MAPT: variants seen among roughly 807,000 people sequenced by gnomAD.
MAPT encodes microtubule associated protein tau, also known as microtubule-associated protein tau.
Under a neutral mutation model 67.9 loss-of-function variants are expected in MAPT, and 34 were observed. The observed-to-expected ratio is 0.50, with a 90% CI of 0.38 to 0.67. The LOEUF is 0.67. MAPT is among the 30% of genes least tolerant of loss of function. MAPT has a pLI of 0.00. For missense variants in MAPT, 881 were observed against 1,115.2 expected, an observed-to-expected ratio of 0.79 and a Z score of 2.99; for synonymous variants, 456 against 464.5, an observed-to-expected ratio of 0.98 and a Z score of 0.23.
chr17:45,923,590 G>A (rs986817530), intron 1 of MAPT, among the ~76,000 whole-genome samples: 1 of 152,232 alleles, frequency 6.6e-6, no homozygotes, highest in Non-Finnish European at 1.5e-5. Context: ...TGCACATCAT[G>A]CAGCTATTCA....
rs749726538 is a variant in MAPT, at chr17:45,996,679, C to T, written c.1998+15C>T. ...GAGGCGGGAAGGTGAGAGTGGCTGG[C>T]TGCGCGTGGAGGTGTGGGGGGCTGC... is the stretch of plus-strand genomic sequence containing the variant. On this transcript the variant is annotated intron_variant, in intron 9 of 12. Transcript: ENST00000262410. This position sits in a 1 kb window ranked among gnomAD's most constrained non-coding sequence, Gnocchi z 4.5. 369 of 1,612,190 alleles carry T rather than the reference C, an allele frequency of 2.3e-4. No individual in the cohort carries two copies. Among genetic ancestry groups the T allele is most frequent in the Non-Finnish European group, 2.9e-4 (341 of 1,179,240 alleles).
chr17:45,993,705 T>C (rs538087420), intron 8 of MAPT, among the ~76,000 whole-genome samples: 1 of 152,284 alleles, frequency 6.6e-6, no homozygotes, highest in East Asian at 1.9e-4. Flanking sequence ...ACTCACACTT[T>C]GTAACAACCT....
intron 9 of MAPT, among the ~76,000 whole-genome samples, chr17:45,998,128 C>A (rs1036046539): frequency 6.6e-6 from 1 of 152,088 alleles, no homozygotes; most frequent in African/African-American, 2.4e-5. Context: ...GCCTCCCCCA[C>A]GCAGGCGCTC....
At chr17:45,913,036 C>T (rs2064911337) in intron 1 of MAPT, among the ~76,000 whole-genome samples, 1 of 152,176 alleles carries the variant, frequency 6.6e-6, no homozygotes. Flanking sequence ...AGGGTGGAGG[C>T]GTTAGCTGTT....
chr17:45,917,961 C>T (rs545205604), intron 1 of MAPT, among the ~76,000 whole-genome samples: 1 of 152,114 alleles, frequency 6.6e-6, no homozygotes, highest in African/African-American at 2.4e-5. Context: ...TTAGTAGAGA[C>T]GGGGGTTTCA....
At chr17:45,954,877 G>T (rs112666036) in intron 1 of MAPT, among the ~76,000 whole-genome samples, 4 of 152,016 alleles carry the variant, frequency 2.6e-5, no homozygotes, top group Non-Finnish European at 5.9e-5. Flanking sequence ...CCAGCTACTC[G>T]GGAGGCTGAG....
chr17:45,994,096 G>T, intron 8 of MAPT: 1 of 929,724 alleles, frequency 1.1e-6, no homozygotes, highest in South Asian at 1.8e-5. Context: ...CACAGGGTTC[G>T]CAGCCTGAAG....
intron 1 of MAPT, among the ~76,000 whole-genome samples, chr17:45,938,345 T>A (rs935933790): frequency 1.3e-5 from 2 of 152,168 alleles, no homozygotes; most frequent in African/African-American, 4.8e-5. Context: ...GTCAGAAAAA[T>A]TTTCCATCAA....
chr17:45,935,218 G>T (rs993612051), intron 1 of MAPT, among the ~76,000 whole-genome samples: 4 of 152,048 alleles, frequency 2.6e-5, no homozygotes, highest in Non-Finnish European at 5.9e-5. Context: ...AGCCCCTACT[G>T]GGGGCTGGGA....
intron 9 of MAPT, among the ~76,000 whole-genome samples, chr17:46,009,582 ATGG>A: frequency 6.6e-6 from 1 of 152,114 alleles, no homozygotes; most frequent in South Asian, 2.1e-4. Flanking sequence ...TGGTGGGTGG[ATGG>A]AAGGAGAAGG....
intron 1 of MAPT, among the ~76,000 whole-genome samples, chr17:45,930,815 G>T (rs1009981447): frequency 6.6e-6 from 1 of 152,156 alleles, no homozygotes; most frequent in Non-Finnish European, 1.5e-5. Context: ...TGTCATGGCT[G>T]CCCAGTCCCC....
At chr17:45,926,958 T>TCAC (rs1491362209) in intron 1 of MAPT, among the ~76,000 whole-genome samples, 6 of 107,956 alleles carry the variant, frequency 5.6e-5, no homozygotes, top group Non-Finnish European at 1.0e-4. Flanking sequence ...CATATATGTG[T>TCAC]ATATATATAC....
chr17:45,926,214 GA>G (rs55669909), intron 1 of MAPT, among the ~76,000 whole-genome samples: 21,651 of 129,190 alleles, frequency 0.17, 2,075 homozygotes, highest in Middle Eastern at 0.25. Flanking sequence ...CTATGTCAAA[GA>G]AAAAAAAAAA....
In MAPT at chr17:45,930,026, C is replaced by T. The variant is rs144698904; in HGVS notation, c.-17-32295C>T. Reference sequence around the variant, plus strand: ...CTAGGGAAGTTTCTGGGCCTGACCACCAAGCCAGCTCTGAGAAGGGGTGCA... The same window carrying T: ...CTAGGGAAGTTTCTGGGCCTGACCATCAAGCCAGCTCTGAGAAGGGGTGCA... On this transcript the variant is annotated intron_variant, in intron 1 of 12. Coordinates refer to ENST00000262410, the MANE Select transcript of MAPT (RefSeq NM_001377265.1). Among the ~76,000 whole-genome samples, 453 of 152,302 alleles carry T rather than the reference C, an allele frequency of 3.0e-3. 3 individuals carry two copies. Among genetic ancestry groups the T allele is most frequent in the Non-Finnish European group, 2.7e-3 (184 of 68,020 alleles).
At position 45,983,333 on chromosome 17, in the gene MAPT, G is replaced by A. The variant is rs745339194; in HGVS notation, c.754G>A (p.Asp252Asn). 6.2e-7 allele frequency: 1 copy of A among 1,602,484 alleles called. No homozygotes were observed. Among genetic ancestry groups the A allele is most frequent in the Admixed American group, 1.7e-5 (1 of 58,578 alleles). ...CCAACCTTCGGGGACAGGACCTGAG[G>A]ACACAGAGGGCGGCCGCCACGCCCC... ...TRQPSGTGPE[D>N]TEGGRHAPEL... Residue 252 changes from aspartate (D) to asparagine (N), a missense_variant, in exon 5 of 13, where the codon GAC becomes AAC. Physicochemically the swap from Asp to Asn is conservative, Grantham distance 23. Coordinates refer to ENST00000262410, the MANE Select transcript of MAPT (RefSeq NM_001377265.1).
At chr17:46,023,808 T>C (rs987841581) in intron 12 of MAPT, 148 bp from the exon 13 acceptor site, 3 of 723,124 alleles carry the variant, frequency 4.1e-6, no homozygotes, top group East Asian at 2.7e-5. Context: ...GCCACCGCAC[T>C]CTAGCCTGGG....
chr17:45,922,924 C>T (rs1159824397), intron 1 of MAPT, among the ~76,000 whole-genome samples: 1 of 152,220 alleles, frequency 6.6e-6, no homozygotes, highest in African/African-American at 2.4e-5. Context: ...GTCAGAGAGA[C>T]CGAGCAACAC....
At chr17:46,015,685 A>C (rs1173408965) in intron 11 of MAPT, among the ~76,000 whole-genome samples, 1 of 152,064 alleles carries the variant, frequency 6.6e-6, no homozygotes, top group African/African-American at 2.4e-5. Context: ...CAAAAACAAA[A>C]ACAAACACAC....
Position 45,962,336 on chromosome 17 carries a change from G to A in MAPT, c.-2G>A. On this transcript the variant is annotated 5_prime_UTR_variant, in exon 2 of 13. Transcript: ENST00000262410. Reference sequence around the variant, plus strand: ...CTTTCCCCAGGTGAACTTTGAACCAGGATGGCTGAGCCCCGCCAGGAGTTC... The same window carrying A: ...CTTTCCCCAGGTGAACTTTGAACCAAGATGGCTGAGCCCCGCCAGGAGTTC... 1.2e-6 allele frequency: 2 copies of A among 1,611,960 alleles called. No individual in the cohort carries two copies. The highest frequency in any genetic ancestry group is 1.7e-6 in the Non-Finnish European group (2 of 1,179,800).
Sources: allele counts gnomAD v4.1 joint callset (sites outside exome capture counted in the v4.1 genomes callset), GRCh38; gene constraint gnomAD v4.1.1; non-coding constraint Gnocchi (gnomAD v3.1); transcripts MANE v1.5; gene names NCBI Gene and HGNC (gene_info 2026-07-23, HGNC 2026-07-21).